BMPR1A: variants seen among roughly 807,000 people sequenced by gnomAD.
BMPR1A encodes bone morphogenetic protein receptor type-1A.
A neutral mutation model predicts 66.0 loss-of-function variants in BMPR1A; 7 were observed. The ratio of observed to expected loss-of-function variants is 0.11; its 90% CI spans 0.06 to 0.20. The LOEUF (loss-of-function observed/expected upper bound fraction) is 0.20, where lower values mean the gene tolerates loss of function less well. BMPR1A is among the 10% of genes least tolerant of loss of function. BMPR1A has a pLI of 1.00. For missense variants in BMPR1A, 408 were observed against 669.1 expected, an observed-to-expected ratio of 0.61 and a Z score of 4.31; for synonymous variants, 200 against 229.7, an observed-to-expected ratio of 0.87 and a Z score of 1.17.
At chr10:86,817,167 T>C (rs907478583) in intron 1 of BMPR1A, among the ~76,000 whole-genome samples, 1 of 152,216 alleles carries the variant, frequency 6.6e-6, no homozygotes, top group Admixed American at 6.5e-5. Context: ...TGTGCAACCA[T>C]CACCACCATC....
intron 1 of BMPR1A, among the ~76,000 whole-genome samples, chr10:86,828,683 G>A (rs1261792740): frequency 6.6e-6 from 1 of 151,884 alleles, no homozygotes; most frequent in Non-Finnish European, 1.5e-5. Context: ...AAATTTAACT[G>A]TTTTATGTGG....
At position 86,890,222 on chromosome 10, in the gene BMPR1A, C is replaced by T. The variant is rs1554888145; in HGVS notation, c.228C>T (p.Cys76=). Residue 76 remains cysteine (C), a splice_region_variant and synonymous_variant, in exon 4 of 13, where the codon TGC becomes TGT. Coordinates refer to ENST00000372037, the MANE Select transcript of BMPR1A (RefSeq NM_004329.3). The part of the protein sequence containing the change: ...HCPDDAINNT[C]ITNGHCFAII... ...CAGATGATGCTATTAATAACACATG[C>T]ATGTAAGTATTTTATGCAGCCCTTC... is the stretch of plus-strand genomic sequence containing the variant. The T allele has an allele frequency of 1.2e-6, 2 of 1,613,966 alleles. No individual in the cohort carries two copies. The highest frequency in any genetic ancestry group is 1.7e-6 in the Non-Finnish European group (2 of 1,179,930).
In BMPR1A at chr10:86,923,584, T is replaced by C. The variant is rs369633360; in HGVS notation, c.1474-10T>C. On this transcript the variant is annotated splice_polypyrimidine_tract_variant and intron_variant, in intron 12 of 12. Coordinates refer to ENST00000372037, the MANE Select transcript of BMPR1A (RefSeq NM_004329.3). ...ATTCTCTGCTCACTGAACATCTCTT[T>C]ACTTTTCAGTGTCTACGAGCAGTTT... is the stretch of plus-strand genomic sequence containing the variant. 3.0e-5 allele frequency: 49 copies of C among 1,614,140 alleles called. No individual in the cohort carries two copies. The highest frequency in any genetic ancestry group is 3.9e-5 in the Non-Finnish European group (46 of 1,180,062).
chr10:86,768,761 T>G (rs575452713), intron 1 of BMPR1A, among the ~76,000 whole-genome samples: 91 of 152,398 alleles, frequency 6.0e-4, no homozygotes, highest in African/African-American at 1.6e-3. Flanking sequence ...TATTGCTTTC[T>G]GTGCCTTATT....
Position 86,766,420 on chromosome 10 carries a change from A to G in BMPR1A, c.-268+9501A>G, listed in dbSNP as rs191396026. Among the ~76,000 whole-genome samples, 12 of 152,260 alleles carry G rather than the reference A, an allele frequency of 7.9e-5. No individual in the cohort carries two copies. In the East Asian group the frequency reaches 1.7e-3, roughly 22 times the overall value. On this transcript the variant is annotated intron_variant, in intron 1 of 12. Transcript: ENST00000372037. ...CATTTTTTTCTTTTGCATTGCAAATATGCTGTGGTGTTTGTACATATCCTT... is the reference window on the plus strand; with the variant it reads ...CATTTTTTTCTTTTGCATTGCAAATGTGCTGTGGTGTTTGTACATATCCTT...
rs1423558522 is a variant in BMPR1A at position 86,926,253 on chromosome 10, G to A, written c.*2534G>A. On this transcript the variant is annotated 3_prime_UTR_variant, in exon 13 of 13. Transcript: ENST00000372037. Reference sequence around the variant, plus strand: ...ATCTAAAAATGTGGCCGGGCGCGGTGGCTCACGCCTGTAATCCCAACACTT... The same window carrying A: ...ATCTAAAAATGTGGCCGGGCGCGGTAGCTCACGCCTGTAATCCCAACACTT... 6.5e-6 allele frequency: 1 copy of A among 154,918 alleles called. No individual in the cohort carries two copies. Among genetic ancestry groups the A allele is most frequent in the Admixed American group, 6.5e-5 (1 of 15,354 alleles). 9.6% of individuals were successfully genotyped at this position (154,918 alleles called of 1,614,324 possible).
chr10:86,871,486 G>A (rs1260918537), intron 2 of BMPR1A, among the ~76,000 whole-genome samples: 1 of 152,162 alleles, frequency 6.6e-6, no homozygotes, highest in Non-Finnish European at 1.5e-5. Context: ...TGTTTCCATA[G>A]GACTCCAGCA....
At chr10:86,791,860 T>C (rs1000915597) in intron 1 of BMPR1A, among the ~76,000 whole-genome samples, 1 of 149,198 alleles carries the variant, frequency 6.7e-6, no homozygotes, top group African/African-American at 2.5e-5. Flanking sequence ...TAGCTGGGAC[T>C]ACAGATGTGT....
chr10:86,872,734 A>G (rs970311516), intron 2 of BMPR1A, among the ~76,000 whole-genome samples: 17 of 152,156 alleles, frequency 1.1e-4, no homozygotes, highest in Non-Finnish European at 1.6e-4. Context: ...TCAGTTAATA[A>G]ATATCATTCC....
intron 1 of BMPR1A, among the ~76,000 whole-genome samples, chr10:86,803,461 T>C (rs1249797006): frequency 6.6e-6 from 1 of 152,218 alleles, no homozygotes; most frequent in Non-Finnish European, 1.5e-5. Context: ...TTTTTCCCCA[T>C]TACAGTAGTG....
chr10:86,883,223 T>C (rs916864587), intron 3 of BMPR1A, among the ~76,000 whole-genome samples: 2 of 151,706 alleles, frequency 1.3e-5, no homozygotes, highest in Non-Finnish European at 2.9e-5. Flanking sequence ...GCACGTTAGC[T>C]CATGCCTGTA....
At chr10:86,799,162 G>A (rs1024931970) in intron 1 of BMPR1A, among the ~76,000 whole-genome samples, 7 of 152,066 alleles carry the variant, frequency 4.6e-5, no homozygotes, top group Non-Finnish European at 8.8e-5. Context: ...TTGCATTTTT[G>A]TTACTGTGAT....
intron 1 of BMPR1A, among the ~76,000 whole-genome samples, chr10:86,771,887 C>G (rs1189059757): frequency 6.6e-6 from 1 of 152,076 alleles, no homozygotes; most frequent in Non-Finnish European, 1.5e-5. Flanking sequence ...GCCTTGACCT[C>G]CCAAAGTGCT....
At chr10:86,806,175 T>C (rs1841887385) in intron 1 of BMPR1A, among the ~76,000 whole-genome samples, 2 of 152,172 alleles carry the variant, frequency 1.3e-5, no homozygotes, top group Non-Finnish European at 2.9e-5. Context: ...CCTTCTAGGG[T>C]ATCAGAAGCA....
intron 7 of BMPR1A, among the ~76,000 whole-genome samples, chr10:86,903,296 CTG>C (rs931704734): frequency 1.3e-5 from 2 of 152,040 alleles, no homozygotes; most frequent in South Asian, 4.2e-4. Flanking sequence ...GTTATTATAA[CTG>C]TATTTTTTAT....
At chr10:86,859,326 T>TTTA (rs1020358444) in intron 2 of BMPR1A, among the ~76,000 whole-genome samples, 1 of 152,032 alleles carries the variant, frequency 6.6e-6, no homozygotes, top group Non-Finnish European at 1.5e-5. Context: ...TCTATTTTCT[T>TTTA]TTATTATTAT....
intron 1 of BMPR1A, among the ~76,000 whole-genome samples, chr10:86,778,318 A>T (rs1035477700): frequency 2.0e-5 from 3 of 151,898 alleles, no homozygotes; most frequent in African/African-American, 7.3e-5. Context: ...AAAATACATA[A>T]TTTTTAATAG....
intron 1 of BMPR1A, among the ~76,000 whole-genome samples, chr10:86,823,288 C>A (rs1842145928): frequency 1.3e-5 from 2 of 152,204 alleles, no homozygotes; most frequent in African/African-American, 4.8e-5. Flanking sequence ...TGATAGAGAA[C>A]AATAACAGTA....
intron 1 of BMPR1A, among the ~76,000 whole-genome samples, chr10:86,802,895 A>G (rs1171819111): frequency 6.6e-6 from 1 of 150,602 alleles, no homozygotes; most frequent in African/African-American, 2.4e-5. Flanking sequence ...ACGTAGTGAG[A>G]CTCCATGTCT....
Sources: gnomAD v4.1 joint callset for allele counts (sites outside exome capture counted in the v4.1 genomes callset) on GRCh38, gnomAD v4.1.1 for gene constraint, MANE v1.5 for transcripts, NCBI Gene and HGNC (gene_info 2026-07-23, HGNC 2026-07-21) for gene names.